Variants in DENND2B observed in about 807,000 individuals in gnomAD.
The protein encoded by DENND2B is DENN domain-containing protein 2B.
A neutral mutation model predicts 116.0 loss-of-function variants in DENND2B; 32 were observed. The observed-to-expected ratio is 0.28, with a 90% CI of 0.21 to 0.37. DENND2B has a LOEUF of 0.37. Among genes scored for constraint, DENND2B ranks in the 10% least tolerant of loss-of-function variants. The pLI is 1.00. For synonymous variants in DENND2B, 588 were observed against 583.9 expected (o/e 1.01, Z -0.10); for missense variants, 1,276 against 1,477.7 (o/e 0.86, Z 2.24).
chr11:8,805,965 C>T (rs537271336), intron 1 of DENND2B, among the ~76,000 whole-genome samples: 1 of 152,304 alleles, frequency 6.6e-6, no homozygotes, highest in Admixed American at 6.5e-5. Flanking sequence ...ATGCCAGCCA[C>T]CCCTACCCCC....
chr11:8,702,482 G>A lies in DENND2B; in HGVS notation c.2720+90C>T, dbSNP rs954401837. On this transcript the variant is annotated intron_variant, in intron 14 of 19. Coordinates refer to ENST00000313726, the MANE Select transcript of DENND2B (RefSeq NM_213618.2). The surrounding 1 kb of genome is among the most constrained non-coding windows in gnomAD (Gnocchi z 4.6). The stretch of plus-strand genomic sequence containing the variant: ...AGCCCCACTCCAGCACTGGTCTCCG[G>A]CGCCTGCTTAGGCTCCTGAACACTT... 34 of 1,567,524 alleles carry A rather than the reference G, an allele frequency of 2.2e-5. No individual in the cohort carries two copies. Among genetic ancestry groups the A allele is most frequent in the Middle Eastern group, 3.3e-4 (2 of 5,974 alleles).
intron 14 of DENND2B, among the ~76,000 whole-genome samples, chr11:8,701,961 G>C (rs1051716239): frequency 6.6e-6 from 1 of 152,078 alleles, no homozygotes; most frequent in Non-Finnish European, 1.5e-5. Context: ...CACATCATCT[G>C]TTTCCCGGTG....
chr11:8,776,449 C>A, intron 1 of DENND2B: 1 of 361,050 alleles, frequency 2.8e-6, no homozygotes, highest in Admixed American at 3.8e-5. Context: ...GGAAGGAAAA[C>A]AACACAGTCC....
At chr11:8,709,412 C>T (rs989580376) in intron 11 of DENND2B, among the ~76,000 whole-genome samples, 16 of 152,214 alleles carry the variant, frequency 1.1e-4, no homozygotes, top group African/African-American at 3.9e-4. Flanking sequence ...GACAAACACG[C>T]TCTTCCCTGG....
chr11:8,731,182 A>C lies in DENND2B; in HGVS notation c.108T>G (p.Val36=). The C allele has an allele frequency of 6.6e-7, 1 of 1,524,218 alleles. No individual in the cohort carries two copies. 94.4% of individuals were successfully genotyped at this position (1,524,218 alleles called of 1,614,324 possible). The part of the protein sequence containing the change: ...SRSQSVSPPP[V]LSPPRSPIYP... Reference sequence around the variant, plus strand: ...AGATGGGACTCCTTGGTGGGGAGAGAACTGGAGGTGGAGAGACTGACTGAG... The same window carrying C: ...AGATGGGACTCCTTGGTGGGGAGAGCACTGGAGGTGGAGAGACTGACTGAG... Residue 36 remains valine (V), a synonymous_variant, in exon 3 of 20, where the codon GTT becomes GTG. Coordinates refer to ENST00000313726, the MANE Select transcript of DENND2B (RefSeq NM_213618.2).
upstream of DENND2B, among the ~76,000 whole-genome samples, chr11:8,814,897 C>T (rs1343631042): frequency 6.6e-6 from 1 of 152,186 alleles, no homozygotes; most frequent in Non-Finnish European, 1.5e-5. Context: ...CTCTTTTCAT[C>T]GACTTACAAA....
At chr11:8,866,135 A>AT (rs2063570622) in intron 2 of DENND2B, among the ~76,000 whole-genome samples, 1 of 151,716 alleles carries the variant, frequency 6.6e-6, no homozygotes, top group Non-Finnish European at 1.5e-5. Flanking sequence ...AATTTTTTGT[A>AT]TTTTTAGTAG....
At chr11:8,889,329 C>T (rs186310986) in intron 1 of DENND2B, among the ~76,000 whole-genome samples, 5 of 152,280 alleles carry the variant, frequency 3.3e-5, no homozygotes, top group African/African-American at 9.6e-5. Flanking sequence ...ACACAGAAGA[C>T]GGGTGATTTC....
At chr11:8,806,605 A>AAAACACACACACACACACACACACACAC (rs372362474) in intron 1 of DENND2B, among the ~76,000 whole-genome samples, 6 of 118,576 alleles carry the variant, frequency 5.1e-5, no homozygotes, top group East Asian at 2.6e-4. Context: ...CTCCCTTCAA[A>AAAACACACACACACACACACACACACAC]ACACACACAC....
intron 1 of DENND2B, among the ~76,000 whole-genome samples, chr11:8,797,389 T>C (rs868796036): frequency 2.6e-5 from 4 of 152,118 alleles, no homozygotes; most frequent in Admixed American, 2.0e-4. Flanking sequence ...GGTATGTCTA[T>C]GCCCACTTCA....
intron 11 of DENND2B, among the ~76,000 whole-genome samples, chr11:8,709,878 G>A (rs1454399089): frequency 6.6e-6 from 1 of 152,120 alleles, no homozygotes; most frequent in Non-Finnish European, 1.5e-5. Context: ...CTTCCCTCCT[G>A]TGTTGAAAGT....
intron 2 of DENND2B, among the ~76,000 whole-genome samples, chr11:8,738,797 C>T (rs1033714295): frequency 6.6e-6 from 1 of 152,202 alleles, no homozygotes; most frequent in Non-Finnish European, 1.5e-5. Flanking sequence ...ATGAGCTGGT[C>T]CCTGCCTACT....
intron 4 of DENND2B, among the ~76,000 whole-genome samples, chr11:8,837,900 T>G (rs750715068): frequency 3.3e-5 from 5 of 152,168 alleles, no homozygotes; most frequent in African/African-American, 7.2e-5. Flanking sequence ...GTTTCAAATA[T>G]TCCTGAGTTT....
At chr11:8,784,909 G>A (rs772947805) in intron 1 of DENND2B, among the ~76,000 whole-genome samples, 1 of 151,956 alleles carries the variant, frequency 6.6e-6, no homozygotes, top group Non-Finnish European at 1.5e-5. Flanking sequence ...ATCATAAGCC[G>A]ATCTTGTGTT....
intron 4 of DENND2B, among the ~76,000 whole-genome samples, chr11:8,823,298 G>A (rs1007863916): frequency 4.6e-5 from 7 of 152,164 alleles, no homozygotes; most frequent in Admixed American, 2.0e-4. Flanking sequence ...GGATGGACTG[G>A]TAACTCAGGA....
At chr11:8,813,386 TACAAAGAAAG>T (rs142566927), upstream of DENND2B, among the ~76,000 whole-genome samples, 552 of 152,094 alleles carry the variant, frequency 3.6e-3, 2 homozygotes, top group Non-Finnish European at 6.2e-3. Context: ...ATCCCAAGTC[TACAAAGAAAG>T]ACAAAGAAAG....
chr11:8,859,764 A>AC (rs2063332604), intron 2 of DENND2B, among the ~76,000 whole-genome samples: 1 of 152,096 alleles, frequency 6.6e-6, no homozygotes. Context: ...CACTACCCCC[A>AC]CTACCCTATC....
chr11:8,830,729 G>A (rs913282283), intron 4 of DENND2B: 2 of 152,120 alleles, frequency 1.3e-5, no homozygotes, highest in Non-Finnish European at 2.9e-5. Context: ...ACTCTGGTGG[G>A]GGAAAGAGCC....
intron 1 of DENND2B, among the ~76,000 whole-genome samples, chr11:8,799,392 G>A (rs563490276): frequency 6.6e-6 from 1 of 152,150 alleles, no homozygotes; most frequent in East Asian, 1.9e-4. Flanking sequence ...GAGAACATAA[G>A]AAACTTCAGT....
Sources: gnomAD v4.1 joint callset for allele counts (sites outside exome capture counted in the v4.1 genomes callset) on GRCh38, gnomAD v4.1.1 for gene constraint, Gnocchi (gnomAD v3.1) non-coding constraint, MANE v1.5 for transcripts, NCBI Gene and HGNC (gene_info 2026-07-23, HGNC 2026-07-21) for gene names.